Variants in SLC2A13 observed in about 807,000 individuals in gnomAD.
SLC2A13 encodes the protein solute carrier family 2 member 13, also known as proton myo-inositol cotransporter.
Under a neutral mutation model 64.4 loss-of-function variants are expected in SLC2A13, and 32 were observed. That is an observed-to-expected ratio of 0.50 (90% CI 0.37 to 0.67). The LOEUF (loss-of-function observed/expected upper bound fraction) is 0.67. SLC2A13 is among the 30% of genes least tolerant of loss of function. The probability of loss-of-function intolerance (pLI) is 0.00; values close to 1 mark genes in which losing one functional copy is unlikely to be tolerated. For synonymous variants in SLC2A13, 338 were observed against 327.1 expected, an observed-to-expected ratio of 1.03 and a Z score of -0.36; for missense variants, 743 against 829.2, an observed-to-expected ratio of 0.90 and a Z score of 1.28.
At chr12:39,884,500 A>C (rs1045900286) in intron 4 of SLC2A13, among the ~76,000 whole-genome samples, 1 of 152,230 alleles carries the variant, frequency 6.6e-6, no homozygotes, top group Non-Finnish European at 1.5e-5. Context: ...AGACATTTTC[A>C]TAGAAAATAA....
chr12:39,776,297 G>A (rs1019123222), intron 7 of SLC2A13, among the ~76,000 whole-genome samples: 1 of 151,850 alleles, frequency 6.6e-6, no homozygotes, highest in African/African-American at 2.4e-5. Flanking sequence ...TAGGAGCTGT[G>A]GGGCCCACCT....
At position 39,910,618 on chromosome 12, in the gene SLC2A13, A is replaced by G. The variant is rs149308896; in HGVS notation, c.1035-38657T>C. 2.6e-3 allele frequency among the ~76,000 whole-genome samples: 396 copies of G among 152,194 alleles called. 5 individuals carry two copies. The highest frequency in any genetic ancestry group is 9.1e-3 in the African/African-American group (379 of 41,478). On this transcript the variant is annotated intron_variant, in intron 4 of 9. Transcript: ENST00000280871. ...AACAGCCTTGGGAACCCACAGAAAAAGTGGACAGCTGCAGGACTCAGGTTC... is the reference window on the plus strand; with the variant it reads ...AACAGCCTTGGGAACCCACAGAAAAGGTGGACAGCTGCAGGACTCAGGTTC...
intron 1 of SLC2A13, among the ~76,000 whole-genome samples, chr12:40,098,838 C>CTACG (rs1294955471): frequency 3.3e-5 from 5 of 152,236 alleles, no homozygotes; most frequent in African/African-American, 1.2e-4. Flanking sequence ...GTCTTAAGTA[C>CTACG]TACGTCCAGG....
chr12:39,988,614 G>A (rs971038793), intron 3 of SLC2A13, among the ~76,000 whole-genome samples: 3 of 143,078 alleles, frequency 2.1e-5, no homozygotes, highest in Non-Finnish European at 4.6e-5. Flanking sequence ...AGACTAGGAG[G>A]AGGAGGGGAA....
intron 3 of SLC2A13, among the ~76,000 whole-genome samples, chr12:40,010,452 T>A (rs1415783740): frequency 6.6e-6 from 1 of 152,180 alleles, no homozygotes; most frequent in Non-Finnish European, 1.5e-5. Context: ...GGCTTTTTTT[T>A]TCTGAGCCTG....
At chr12:39,790,394 C>T (rs1275849065) in intron 7 of SLC2A13, among the ~76,000 whole-genome samples, 3 of 136,942 alleles carry the variant, frequency 2.2e-5, no homozygotes, top group African/African-American at 8.2e-5. Flanking sequence ...CCACAGTCCC[C>T]AGAGTGTGAT....
At chr12:40,059,230 A>G in intron 1 of SLC2A13, among the ~76,000 whole-genome samples, 1 of 152,050 alleles carries the variant, frequency 6.6e-6, no homozygotes, top group East Asian at 1.9e-4. Flanking sequence ...ATTTTTACAA[A>G]CTCTCCATCT....
At chr12:39,935,715 C>A (rs560832530) in intron 4 of SLC2A13, among the ~76,000 whole-genome samples, 1 of 152,258 alleles carries the variant, frequency 6.6e-6, no homozygotes, top group South Asian at 2.1e-4. Flanking sequence ...AGGGAGATGA[C>A]ATGTGACCTA....
chr12:39,988,324 A>C (rs1249239023), intron 3 of SLC2A13, among the ~76,000 whole-genome samples: 3 of 152,100 alleles, frequency 2.0e-5, no homozygotes, highest in Admixed American at 6.6e-5. Flanking sequence ...AATCATCAAC[A>C]ACATAATTGT....
intron 2 of SLC2A13, among the ~76,000 whole-genome samples, chr12:40,035,875 T>A (rs568743217): frequency 2.0e-5 from 3 of 152,338 alleles, no homozygotes; most frequent in African/African-American, 7.2e-5. Flanking sequence ...TGTGATATCG[T>A]TGAAATCAAT....
intron 3 of SLC2A13, among the ~76,000 whole-genome samples, chr12:39,961,485 C>T (rs902863094): frequency 6.6e-6 from 1 of 152,168 alleles, no homozygotes; most frequent in South Asian, 2.1e-4. Flanking sequence ...GGTTTACTAA[C>T]CTTTTATCAA....
chr12:40,002,970 T>C (rs1312870987), intron 3 of SLC2A13, among the ~76,000 whole-genome samples: 2 of 152,208 alleles, frequency 1.3e-5, no homozygotes, highest in Non-Finnish European at 2.9e-5. Context: ...TTTACATCCA[T>C]GATTTGTACA....
chr12:39,818,437 A>G (rs140745501), intron 7 of SLC2A13, among the ~76,000 whole-genome samples: 1 of 152,216 alleles, frequency 6.6e-6, no homozygotes, highest in Admixed American at 6.5e-5. Flanking sequence ...CAATCAGTGA[A>G]GAGCTTACAA....
intron 3 of SLC2A13, among the ~76,000 whole-genome samples, chr12:40,006,657 G>A (rs1947424663): frequency 1.3e-5 from 2 of 152,096 alleles, no homozygotes; most frequent in Admixed American, 6.5e-5. Flanking sequence ...TTTAGGTGAA[G>A]GTCTCCATAT....
intron 1 of SLC2A13, among the ~76,000 whole-genome samples, chr12:40,095,298 A>T (rs1484147363): frequency 6.6e-6 from 1 of 152,230 alleles, no homozygotes; most frequent in African/African-American, 2.4e-5. Context: ...TAAAACAAAA[A>T]TCTGCGTGAA....
At chr12:40,046,727 A>C (rs1188621571) in intron 2 of SLC2A13, among the ~76,000 whole-genome samples, 1 of 151,810 alleles carries the variant, frequency 6.6e-6, no homozygotes, top group Non-Finnish European at 1.5e-5. Flanking sequence ...TCCTCCCCTT[A>C]ATGGTCCTTA....
chr12:40,091,871 T>G (rs921011692), intron 1 of SLC2A13, among the ~76,000 whole-genome samples: 1 of 152,240 alleles, frequency 6.6e-6, no homozygotes, highest in Non-Finnish European at 1.5e-5. Flanking sequence ...TAATGTTTTC[T>G]GAGCATGTGC....
intron 7 of SLC2A13, among the ~76,000 whole-genome samples, chr12:39,796,132 A>G (rs1351268817): frequency 6.6e-6 from 1 of 152,210 alleles, no homozygotes; most frequent in Admixed American, 6.5e-5. Flanking sequence ...ATCATACAGT[A>G]TATCACCTTT....
intron 2 of SLC2A13, among the ~76,000 whole-genome samples, chr12:40,036,839 A>T (rs1402682414): frequency 6.6e-6 from 1 of 152,238 alleles, no homozygotes; most frequent in Non-Finnish European, 1.5e-5. Flanking sequence ...TTTGCCTAGC[A>T]AACAGTCATA....
Sources: allele counts gnomAD v4.1 joint callset (sites outside exome capture counted in the v4.1 genomes callset), GRCh38; gene constraint gnomAD v4.1.1; transcripts MANE v1.5; gene names NCBI Gene and HGNC (gene_info 2026-07-23, HGNC 2026-07-21).